The following UNC13C variants were observed in gnomAD, a reference collection of about 807,000 sequenced individuals.
UNC13C encodes the protein protein unc-13 homolog C.
A neutral mutation model predicts 245.4 loss-of-function variants in UNC13C; 174 were observed. The observed-to-expected ratio is 0.71, with a 90% CI of 0.63 to 0.80. UNC13C has a LOEUF of 0.80. Among genes scored for constraint, UNC13C ranks in the 30% least tolerant of loss-of-function variants. The pLI is 0.00. For synonymous variants in UNC13C, 992 were observed against 895.1 expected (o/e 1.11, Z -1.93); for missense variants, 2,829 against 2,602.9 (o/e 1.09, Z -1.89).
chr15:54,092,263 A>G (rs1899614786), intron 2 of UNC13C, among the ~76,000 whole-genome samples: 1 of 152,054 alleles, frequency 6.6e-6, no homozygotes, highest in Admixed American at 6.6e-5. Context: ...ATTTAACATG[A>G]TTTATTTTTA....
intron 17 of UNC13C, among the ~76,000 whole-genome samples, chr15:54,369,168 C>T (rs538882202): frequency 6.6e-4 from 99 of 150,952 alleles, no homozygotes; most frequent in Middle Eastern, 3.4e-3. Context: ...TAGAAATAGA[C>T]CATCTGGGAT....
At chr15:53,987,385 C>T (rs1181412457) in intron 1 of UNC13C, among the ~76,000 whole-genome samples, 3 of 151,872 alleles carry the variant, frequency 2.0e-5, no homozygotes, top group Non-Finnish European at 4.4e-5. Context: ...ATAATCTTGC[C>T]AGAGGAAAAC....
the UNC13C span, among the ~76,000 whole-genome samples, chr15:53,931,994 A>G: frequency 6.6e-6 from 1 of 152,090 alleles, no homozygotes; most frequent in Admixed American, 6.6e-5. Flanking sequence ...TTAATTTGTT[A>G]CATACTAGGT....
intron 2 of UNC13C, among the ~76,000 whole-genome samples, chr15:54,142,417 C>G (rs1240466063): frequency 1.3e-5 from 2 of 152,180 alleles, no homozygotes; most frequent in Non-Finnish European, 1.5e-5. Flanking sequence ...TGATCTTAAT[C>G]AAGTCACTTA....
intron 12 of UNC13C, among the ~76,000 whole-genome samples, chr15:54,299,191 C>G (rs979526759): frequency 2.0e-5 from 3 of 152,144 alleles, no homozygotes; most frequent in Non-Finnish European, 2.9e-5. Context: ...CTTCACTTTA[C>G]AAAGTCTTTT....
chr15:54,486,280 C>CACAA (rs1440524981), intron 19 of UNC13C, among the ~76,000 whole-genome samples: 2 of 149,276 alleles, frequency 1.3e-5, no homozygotes, highest in African/African-American at 5.0e-5. Flanking sequence ...CACACACACA[C>CACAA]ACACACACAA....
intron 2 of UNC13C, among the ~76,000 whole-genome samples, chr15:54,141,469 A>G (rs186325515): frequency 3.3e-5 from 5 of 152,226 alleles, no homozygotes; most frequent in Non-Finnish European, 5.9e-5. Flanking sequence ...CTGTAATACT[A>G]TATGTAATAC....
the UNC13C span, among the ~76,000 whole-genome samples, chr15:53,868,709 A>G: frequency 2.6e-5 from 4 of 152,238 alleles, no homozygotes; most frequent in African/African-American, 9.6e-5. Context: ...GTCTGGAGGG[A>G]AAAAGTAAAT....
At chr15:54,244,404 G>A (rs986233500) in intron 7 of UNC13C, among the ~76,000 whole-genome samples, 13 of 152,146 alleles carry the variant, frequency 8.5e-5, no homozygotes, top group Admixed American at 2.6e-4. Context: ...GGTGGGTAAG[G>A]TGATGCCTAC....
At chr15:54,030,389 G>A (rs1309565798) in intron 2 of UNC13C, among the ~76,000 whole-genome samples, 1 of 152,116 alleles carries the variant, frequency 6.6e-6, no homozygotes, top group Non-Finnish European at 1.5e-5. Flanking sequence ...AAACTCCTGT[G>A]AACAATATAA....
At chr15:54,222,233 C>A (rs910245520) in intron 4 of UNC13C, among the ~76,000 whole-genome samples, 2 of 151,826 alleles carry the variant, frequency 1.3e-5, no homozygotes, top group East Asian at 1.9e-4. Flanking sequence ...ATTCCCCCAA[C>A]CCTCCTCCAC....
the UNC13C span, among the ~76,000 whole-genome samples, chr15:53,882,465 C>T: frequency 0.18 from 26,870 of 152,006 alleles, 2,920 homozygotes; most frequent in Non-Finnish European, 0.24. Flanking sequence ...TATATTTGTA[C>T]ACTTAATTTT....
At chr15:53,952,334 C>T in the UNC13C span, among the ~76,000 whole-genome samples, 1 of 152,150 alleles carries the variant, frequency 6.6e-6, no homozygotes, top group Non-Finnish European at 1.5e-5. Flanking sequence ...GAAATAGATT[C>T]ATTCAGCTTT....
chr15:54,234,424 C>G (rs2035634913), intron 4 of UNC13C, among the ~76,000 whole-genome samples: 1 of 152,092 alleles, frequency 6.6e-6, no homozygotes, highest in Admixed American at 6.5e-5. Context: ...AATAACCTAG[C>G]TTTTATTGCT....
rs1169262936 is a variant in UNC13C at position 54,567,926 on chromosome 15, A to G, written c.6085A>G (p.Ile2029Val). The G allele has an allele frequency of 4.4e-6, 7 of 1,578,214 alleles. No homozygotes were observed. Among genetic ancestry groups the G allele is most frequent in the Non-Finnish European group, 6.0e-6 (7 of 1,160,204 alleles). ...QTTDALIKKF[I>V]DTQTSQSRSS... Reference sequence around the variant, plus strand: ...TACTGATGCCTTGATAAAGAAATTCATAGATACTCAAACCTCACAGAGTAA... The same window carrying G: ...TACTGATGCCTTGATAAAGAAATTCGTAGATACTCAAACCTCACAGAGTAA... Residue 2029 changes from isoleucine to valine, a missense_variant, in exon 30 of 33, where the codon ATA (isoleucine) becomes GTA (valine). By Grantham distance (29) the Ile-to-Val change is conservative. Coordinates refer to ENST00000260323, the MANE Select transcript of UNC13C (RefSeq NM_001080534.3).
intron 17 of UNC13C, among the ~76,000 whole-genome samples, chr15:54,347,868 T>C (rs1370055041): frequency 6.6e-6 from 1 of 152,206 alleles, no homozygotes; most frequent in Admixed American, 6.5e-5. Context: ...TATGAATTTC[T>C]TATTAGCTTT....
chr15:54,107,962 CAAA>C (rs1900531755), intron 2 of UNC13C, among the ~76,000 whole-genome samples: 1 of 151,990 alleles, frequency 6.6e-6, no homozygotes, highest in African/African-American at 2.4e-5. Flanking sequence ...CTGGTATGAG[CAAA>C]GGCAAAAGAG....
intron 17 of UNC13C, among the ~76,000 whole-genome samples, chr15:54,374,581 A>G (rs1433415739): frequency 2.6e-5 from 4 of 152,244 alleles, no homozygotes; most frequent in African/African-American, 9.6e-5. Flanking sequence ...CAGCAGGAGC[A>G]GGCATTTCTG....
rs1233792335 is a variant in UNC13C at position 54,054,303 on chromosome 15, C to T, written c.2983+38417C>T. Among the ~76,000 whole-genome samples the T allele has an allele frequency of 2.6e-5, 4 of 152,264 alleles. No homozygotes were observed. The East Asian group carries it at 7.7e-4, about 29-fold the overall frequency. ...TAGATGGTTCTGTATTAGTATCCATCCCACTCTAGTGCTCTTGTCAATCTC... is the reference window on the plus strand; with the variant it reads ...TAGATGGTTCTGTATTAGTATCCATTCCACTCTAGTGCTCTTGTCAATCTC... On this transcript the variant is annotated intron_variant, in intron 2 of 32. Coordinates refer to ENST00000260323, the MANE Select transcript of UNC13C (RefSeq NM_001080534.3).
Sources: gnomAD v4.1 joint callset for allele counts (sites outside exome capture counted in the v4.1 genomes callset) on GRCh38, gnomAD v4.1.1 for gene constraint, MANE v1.5 for transcripts, NCBI Gene and HGNC (gene_info 2026-07-23, HGNC 2026-07-21) for gene names.